Variants in NEGR1 observed in about 807,000 individuals in gnomAD.
The protein encoded by NEGR1 is neuronal growth regulator 1, also known as IgLON family member 4.
NEGR1 carries 10 observed loss-of-function variants against 40.9 expected under a neutral mutation model. That is an observed-to-expected ratio of 0.24 (90% confidence interval 0.15 to 0.42). The LOEUF (loss-of-function observed/expected upper bound fraction) is 0.42, where lower values mean the gene tolerates loss of function less well. NEGR1 is among the 10% of genes least tolerant of loss of function. The pLI is 1.00. For synonymous variants in NEGR1, 185 were observed against 166.8 expected, an observed-to-expected ratio of 1.11 and a Z score of -0.84; for missense variants, 352 against 438.9, an observed-to-expected ratio of 0.80 and a Z score of 1.77.
intron 2 of NEGR1, among the ~76,000 whole-genome samples, chr1:71,866,935 A>G (rs1160634469): frequency 1.3e-5 from 2 of 152,206 alleles, no homozygotes; most frequent in African/African-American, 4.8e-5. Flanking sequence ...GAATGTCCCT[A>G]CTTCCTTTTT....
chr1:71,757,324 T>G (rs1655778495), intron 3 of NEGR1, among the ~76,000 whole-genome samples: 1 of 152,022 alleles, frequency 6.6e-6, no homozygotes, highest in Non-Finnish European at 1.5e-5. Context: ...CAGGCCAAAA[T>G]TGGAAGGCAT....
chr1:71,732,520 G>A (rs1654914908), intron 3 of NEGR1, among the ~76,000 whole-genome samples: 1 of 143,046 alleles, frequency 7.0e-6, no homozygotes, highest in Non-Finnish European at 1.5e-5. Flanking sequence ...GTGTGTGTGT[G>A]CGCGCGCGCG....
At chr1:72,086,677 G>C (rs1004373988) in intron 1 of NEGR1, among the ~76,000 whole-genome samples, 2 of 152,154 alleles carry the variant, frequency 1.3e-5, no homozygotes, top group African/African-American at 4.8e-5. Context: ...TTTATAATAA[G>C]TGTTGTTCCG....
intron 4 of NEGR1, among the ~76,000 whole-genome samples, chr1:71,684,470 TTGTG>T (rs962262250): frequency 4.6e-5 from 7 of 152,234 alleles, no homozygotes; most frequent in African/African-American, 9.6e-5. Flanking sequence ...TAACGTATGT[TTGTG>T]TGTATGTATG....
At chr1:71,967,907 C>T (rs1340356682) in intron 1 of NEGR1, among the ~76,000 whole-genome samples, 2 of 152,174 alleles carry the variant, frequency 1.3e-5, no homozygotes, top group Non-Finnish European at 2.9e-5. Context: ...CATCAACTTT[C>T]TCTTTTACTC....
At chr1:72,223,662 C>T (rs911211987) in intron 1 of NEGR1, among the ~76,000 whole-genome samples, 5 of 152,114 alleles carry the variant, frequency 3.3e-5, no homozygotes, top group African/African-American at 4.8e-5. Flanking sequence ...GCAAGTGATG[C>T]TATTTGCTAA....
chr1:71,921,766 A>G (rs1417864067), intron 2 of NEGR1, among the ~76,000 whole-genome samples: 2 of 148,566 alleles, frequency 1.3e-5, no homozygotes, highest in East Asian at 3.9e-4. Context: ...ACATATACAT[A>G]CATATTTTAT....
intron 1 of NEGR1, among the ~76,000 whole-genome samples, chr1:72,276,329 A>G (rs1656046977): frequency 6.6e-6 from 1 of 152,152 alleles, no homozygotes; most frequent in Non-Finnish European, 1.5e-5. Flanking sequence ...GTTACTCTAT[A>G]TAAAGAAAGA....
chr1:72,054,867 T>C (rs1647096337), intron 1 of NEGR1, among the ~76,000 whole-genome samples: 1 of 151,106 alleles, frequency 6.6e-6, no homozygotes, highest in Non-Finnish European at 1.5e-5. Flanking sequence ...ATATAACCTT[T>C]GAGAAGTTAT....
intron 1 of NEGR1, among the ~76,000 whole-genome samples, chr1:72,111,752 A>G (rs1649379670): frequency 2.6e-5 from 4 of 151,800 alleles, no homozygotes. Context: ...CTTTCTTGAT[A>G]TGAGTAAGAG....
rs1295516620 is a variant in NEGR1 at position 72,104,081 on chromosome 1, A to AT, written c.177-168771dup. Among the ~76,000 whole-genome samples, 12 of 138,518 alleles carry AT rather than the reference A, an allele frequency of 8.7e-5. No individual in the cohort carries two copies. The East Asian group carries it at 2.7e-3, about 31-fold the overall frequency. 90.9% of individuals were successfully genotyped at this position (138,518 alleles called of 152,430 possible). Reference sequence around the variant, plus strand: ...AACCACATTCATTATGTGCTTTTGGATTTGTTTTTTTCCATGGAGAACATA... The same window carrying AT: ...AACCACATTCATTATGTGCTTTTGGATTTTGTTTTTTTCCATGGAGAACATA... On this transcript the variant is annotated intron_variant, in intron 1 of 6. Coordinates refer to ENST00000357731, the MANE Select transcript of NEGR1 (RefSeq NM_173808.3).
chr1:72,101,075 G>A (rs779857215), intron 1 of NEGR1: 17 of 152,212 alleles, frequency 1.1e-4, no homozygotes, highest in Admixed American at 1.3e-4. Context: ...TACACTGGGA[G>A]TTAGGGCTTG....
At chr1:71,409,824 T>G (rs1367553167) in intron 6 of NEGR1, among the ~76,000 whole-genome samples, 2 of 152,014 alleles carry the variant, frequency 1.3e-5, no homozygotes, top group Non-Finnish European at 2.9e-5. Flanking sequence ...ATTTCTGTCC[T>G]ACAAAATGGA....
intron 2 of NEGR1, among the ~76,000 whole-genome samples, chr1:71,895,054 A>C (rs1660931054): frequency 1.3e-5 from 2 of 152,216 alleles, no homozygotes; most frequent in Non-Finnish European, 2.9e-5. Context: ...TCTATTGTTA[A>C]CTACCATGTG....
intron 2 of NEGR1, among the ~76,000 whole-genome samples, chr1:71,784,154 C>G (rs1393296949): frequency 2.6e-5 from 4 of 152,186 alleles, no homozygotes; most frequent in Non-Finnish European, 4.4e-5. Flanking sequence ...AGCTAATCAT[C>G]AGGGATAACC....
chr1:71,727,758 G>A (rs572276007), intron 3 of NEGR1, among the ~76,000 whole-genome samples: 2 of 152,246 alleles, frequency 1.3e-5, no homozygotes, highest in East Asian at 1.9e-4. Flanking sequence ...TAAGGGCAAA[G>A]GATAAAGGTA....
In NEGR1 at chr1:71,622,432, G is replaced by A. The variant is rs544878675; in HGVS notation, c.668-11286C>T. On this transcript the variant is annotated intron_variant, in intron 4 of 6. Coordinates refer to ENST00000357731, the MANE Select transcript of NEGR1 (RefSeq NM_173808.3). ...ATGCATTTTTTCTAATATTGAAGGC[G>A]TTATAAACTTTCTTAAATAAAAATT... 4.6e-5 allele frequency among the ~76,000 whole-genome samples: 7 copies of A among 151,892 alleles called. No homozygotes were observed. In the East Asian group the frequency reaches 5.8e-4, roughly 13 times the overall value.
intron 2 of NEGR1, among the ~76,000 whole-genome samples, chr1:71,916,311 T>TG (rs1166075845): frequency 9.8e-4 from 149 of 152,292 alleles, no homozygotes; most frequent in African/African-American, 3.5e-3. Context: ...AGAAACAAAA[T>TG]GTTTTATGTT....
intron 1 of NEGR1, among the ~76,000 whole-genome samples, chr1:72,063,943 C>T (rs1184605804): frequency 2.6e-5 from 4 of 151,656 alleles, no homozygotes; most frequent in East Asian, 1.9e-4. Flanking sequence ...GCTTCCATCC[C>T]GTAAAATAAT....
Sources: allele counts gnomAD v4.1 joint callset (sites outside exome capture counted in the v4.1 genomes callset), GRCh38; gene constraint gnomAD v4.1.1; transcripts MANE v1.5; gene names NCBI Gene and HGNC (gene_info 2026-07-23, HGNC 2026-07-21).